Variants in COL6A5 observed in about 807,000 individuals in gnomAD.
COL6A5 encodes the protein collagen alpha-5(VI) chain.
In COL6A5, 48 loss-of-function variants were observed where a neutral mutation model predicts 65.6. The observed-to-expected ratio is 0.73, with a 90% CI of 0.58 to 0.93. COL6A5 has a LOEUF of 0.93. COL6A5 is among the 40% of genes least tolerant of loss of function. The probability of loss-of-function intolerance (pLI) is 0.00; values close to 1 mark genes in which losing one functional copy is unlikely to be tolerated. For missense variants in COL6A5, 914 were observed against 928.3 expected, an observed-to-expected ratio of 0.98 and a Z score of 0.20; for synonymous variants, 291 against 322.8, an observed-to-expected ratio of 0.90 and a Z score of 1.05.
chr3:130,462,631 G>A (rs1270721804), intron 5 of COL6A5, among the ~76,000 whole-genome samples: 1 of 152,082 alleles, frequency 6.6e-6, no homozygotes, highest in African/African-American at 2.4e-5. Flanking sequence ...AAAACTCAAG[G>A]TCACAAAGTT....
At position 130,401,185 on chromosome 3, in the gene COL6A5, A is replaced by G; in HGVS notation, c.4134+12A>G. ...TATCACAGTACCTGGTGAGTTGTTG[A>G]ACAAAATCCCCGGTTGTTCAAAATG... On this transcript the variant is annotated intron_variant and NMD_transcript_variant, in intron 11 of 41. Coordinates refer to the COL6A5 transcript ENST00000312481. The G allele has an allele frequency of 6.5e-7, 1 of 1,527,974 alleles. No homozygotes were observed. Among genetic ancestry groups the G allele is most frequent in the Non-Finnish European group, 8.8e-7 (1 of 1,138,586 alleles). 94.7% of individuals were successfully genotyped at this position (1,527,974 alleles called of 1,614,324 possible). A position where few individuals can be genotyped will look rare whatever the true frequency, so the allele number is the denominator to read the frequency against.
chr3:130,483,871 A>G (rs940645006), intron 7 of COL6A5, among the ~76,000 whole-genome samples, 164 bp from the exon 41 acceptor site: 6 of 152,202 alleles, frequency 3.9e-5, no homozygotes, highest in African/African-American at 1.4e-4. Flanking sequence ...GCTCATTTAT[A>G]TCTATTATCA....
At chr3:130,455,622 A>T (rs745729942) in exon 5 of COL6A5, 1 of 1,613,222 alleles carries the variant, frequency 6.2e-7, no homozygotes, top group Non-Finnish European at 8.5e-7. Flanking sequence ...ATGATCAATT[A>T]TGAAAAAGAT....
intron 4 of COL6A5, among the ~76,000 whole-genome samples, chr3:130,380,742 A>G (rs757684236): frequency 3.9e-5 from 6 of 152,144 alleles, no homozygotes; most frequent in Non-Finnish European, 8.8e-5. Context: ...TGAACAGTAT[A>G]GGCATAGACA....
chr3:130,363,148 C>T (rs1559858674), intron 1 of COL6A5, among the ~76,000 whole-genome samples: 1 of 152,120 alleles, frequency 6.6e-6, no homozygotes, highest in African/African-American at 2.4e-5. Flanking sequence ...ATTCAATTCT[C>T]TCTCCTTACT....
At chr3:130,440,663 T>C in exon 3 of COL6A5, 1 of 1,613,592 alleles carries the variant, frequency 6.2e-7, no homozygotes, top group Non-Finnish European at 8.5e-7. Context: ...GTGTCAAGGC[T>C]ACGTCATATT....
chr3:130,451,698 C>T (rs952645248), intron 4 of COL6A5, among the ~76,000 whole-genome samples: 3 of 151,944 alleles, frequency 2.0e-5, no homozygotes, highest in Admixed American at 1.3e-4. Flanking sequence ...CGGGGGTGAC[C>T]GTAAGTCAAA....
chr3:130,468,833 A>T (rs968428054), exon 6 of COL6A5: 1 of 1,610,962 alleles, frequency 6.2e-7, no homozygotes, highest in South Asian at 1.1e-5. Flanking sequence ...ACCAGATCAT[A>T]CTTATGAACC....
At chr3:130,449,390 C>A (rs531068886) in intron 4 of COL6A5, among the ~76,000 whole-genome samples, 1 of 152,180 alleles carries the variant, frequency 6.6e-6, no homozygotes, top group Admixed American at 6.5e-5. Context: ...AATTTCAGTC[C>A]CCCTTTGTGC....
chr3:130,477,286 T>C (rs1710123185), intron 7 of COL6A5: 1 of 477,536 alleles, frequency 2.1e-6, no homozygotes, highest in Non-Finnish European at 3.7e-6. Context: ...ATTTGAATTA[T>C]CTAAGTTTGA....
intron 18 of COL6A5, 65 bp from the exon 19 acceptor site, chr3:130,409,944 A>G: frequency 4.4e-6 from 5 of 1,142,978 alleles, no homozygotes; most frequent in Non-Finnish European, 6.4e-6. Context: ...CTTGAACATC[A>G]TACCGTTTTG....
exon 1 of COL6A5, chr3:130,431,813 G>T: frequency 1.3e-6 from 2 of 1,551,618 alleles, no homozygotes; most frequent in Non-Finnish European, 1.7e-6. Context: ...AACGTGAGGA[G>T]AGTTGCTGTG....
chr3:130,355,334 A>G (rs1934884747), intron 1 of COL6A5, among the ~76,000 whole-genome samples: 1 of 152,150 alleles, frequency 6.6e-6, no homozygotes, highest in African/African-American at 2.4e-5. Flanking sequence ...TAATTTCATG[A>G]TAATAGATTG....
intron 4 of COL6A5, among the ~76,000 whole-genome samples, chr3:130,448,244 A>G (rs1341770043): frequency 2.6e-5 from 4 of 152,118 alleles, no homozygotes; most frequent in Non-Finnish European, 4.4e-5. Flanking sequence ...CGAAAACCAG[A>G]AGCTGAAAAG....
At chr3:130,407,877 G>A (rs1237836245) in intron 17 of COL6A5, among the ~76,000 whole-genome samples, 2 of 152,196 alleles carry the variant, frequency 1.3e-5, no homozygotes, top group East Asian at 3.9e-4. Context: ...AGCCACAGCA[G>A]AAGAACATAA....
intron 1 of COL6A5, among the ~76,000 whole-genome samples, chr3:130,367,158 G>A (rs780071932): frequency 5.9e-5 from 9 of 152,166 alleles, no homozygotes; most frequent in Non-Finnish European, 1.0e-4. Flanking sequence ...ATTTGTTTAG[G>A]TTTTAGGAGC....
intron 13 of COL6A5, 37 bp from the exon 14 acceptor site, chr3:130,405,551 C>T (rs984893329): frequency 6.7e-6 from 10 of 1,501,986 alleles, no homozygotes; most frequent in Non-Finnish European, 9.1e-6. Flanking sequence ...CTGGCAAAAA[C>T]ATCACTTTGG....
At chr3:130,445,395 G>A (rs1329333008) in intron 4 of COL6A5, among the ~76,000 whole-genome samples, 1 of 152,184 alleles carries the variant, frequency 6.6e-6, no homozygotes, top group East Asian at 1.9e-4. Flanking sequence ...GACAATTAAT[G>A]CGTTGGACAG....
intron 7 of COL6A5, chr3:130,477,001 C>T (rs1710115951): frequency 3.9e-6 from 4 of 1,037,932 alleles, no homozygotes; most frequent in Non-Finnish European, 5.8e-6. Flanking sequence ...AGCTTAATGA[C>T]TGAGAATCAC....
Sources: allele counts gnomAD v4.1 joint callset (sites outside exome capture counted in the v4.1 genomes callset), GRCh38; gene constraint gnomAD v4.1.1; transcripts MANE v1.5; gene names NCBI Gene and HGNC (gene_info 2026-07-23, HGNC 2026-07-21).